The following CPNE7 variants were observed in gnomAD, a reference collection of about 807,000 sequenced individuals.
CPNE7 encodes copine-7.
A neutral mutation model predicts 66.5 loss-of-function variants in CPNE7; 78 were observed. The ratio of observed to expected loss-of-function variants is 1.17; its 90% CI spans 0.98 to 1.42. The LOEUF is 1.42. Among genes scored for constraint, CPNE7 ranks in the 40% most tolerant of loss-of-function variants. The pLI is 0.00. For missense variants in CPNE7, 1,012 were observed against 776.6 expected (o/e 1.30, Z -3.60); for synonymous variants, 468 against 336.7 (o/e 1.39, Z -4.27).
In CPNE7 at chr16:89,588,212, C is replaced by T. The variant is rs1213883624; in HGVS notation, c.928-463C>T. Among the ~76,000 whole-genome samples, 170 of 144,206 alleles carry T rather than the reference C, an allele frequency of 1.2e-3. 1 individual carries two copies. The highest frequency in any genetic ancestry group is 3.9e-3 in the African/African-American group (150 of 38,058). 94.6% of individuals were successfully genotyped at this position (144,206 alleles called of 152,430 possible). On this transcript the variant is annotated intron_variant, in intron 9 of 14. Transcript: ENST00000319518. ...CACGGCCCCCGTGTCACCCGCGTGTCACCCACAGATACACGGCCCCCGTGT... is the reference window on the plus strand; with the variant it reads ...CACGGCCCCCGTGTCACCCGCGTGTTACCCACAGATACACGGCCCCCGTGT...
At chr16:89,579,013 G>C in intron 2 of CPNE7, 1 of 1,578,194 alleles carries the variant, frequency 6.3e-7, no homozygotes, top group Non-Finnish European at 8.6e-7. Context: ...TTTACAGGCC[G>C]GGCACGGTGG....
At chr16:89,586,026 AGCAGGGGGAGGGGGCATTCAGGGAGGG>A in intron 7 of CPNE7, among the ~76,000 whole-genome samples, 1 of 38,492 alleles carries the variant, frequency 2.6e-5, no homozygotes, top group African/African-American at 1.0e-4. Context: ...AGGGGCAGTT[AGCAGGGGGAGGGGGCATTCAGGGAGGG>A]GCAGGTGAGG....
At chr16:89,576,533 C>T (rs2058862751) in intron 1 of CPNE7, among the ~76,000 whole-genome samples, 1 of 152,172 alleles carries the variant, frequency 6.6e-6, no homozygotes. Flanking sequence ...GGGGCTCCCG[C>T]TCCAACGTGG....
chr16:89,576,116 T>G lies in CPNE7; in HGVS notation c.174+45T>G, dbSNP rs573268034. ...GGCCGAGAGGCCACCGGGCCGGGGC[T>G]GGCGCCGAGCTGGGGATGCGGAGAC... On this transcript the variant is annotated intron_variant, in intron 1 of 14. Transcript: ENST00000319518. 24 of 1,234,924 alleles carry G rather than the reference T, an allele frequency of 1.9e-5. No individual in the cohort carries two copies. In the South Asian group the frequency reaches 6.5e-4, roughly 33 times the overall value. 76.5% of individuals were successfully genotyped at this position (1,234,924 alleles called of 1,614,324 possible). A position where few individuals can be genotyped will look rare whatever the true frequency, so the allele number is the denominator to read the frequency against.
In CPNE7 at chr16:89,585,562, C is replaced by A. The variant is rs773653899; in HGVS notation, c.681+9C>A. The A allele has an allele frequency of 6.2e-7, 1 of 1,600,824 alleles. No homozygotes were observed. The highest frequency in any genetic ancestry group is 1.1e-5 in the South Asian group (1 of 90,230). On this transcript the variant is annotated intron_variant, in intron 6 of 14. Transcript: ENST00000319518. ...AGACAAGGCCTCTAAAGGTGGGGGACGGGATGGACCAAGGGGGCAGTGAGG... is the reference window on the plus strand; with the variant it reads ...AGACAAGGCCTCTAAAGGTGGGGGAAGGGATGGACCAAGGGGGCAGTGAGG...
chr16:89,587,531 C>T (rs1247171166), intron 9 of CPNE7: 2 of 453,512 alleles, frequency 4.4e-6, no homozygotes, highest in East Asian at 7.1e-5. Context: ...CAGGGCTTAC[C>T]TTCCACAAAC....
rs764831303 is a variant in CPNE7, at chr16:89,583,770, C to T, written c.431C>T (p.Thr144Met). 15 of 1,612,498 alleles carry T rather than the reference C, an allele frequency of 9.3e-6. No homozygotes were observed. In the East Asian group the frequency reaches 1.1e-4, roughly 12 times the overall value. Residue 144 changes from threonine (T) to methionine (M), a missense_variant and splice_region_variant, in exon 3 of 15, where the codon ACG becomes ATG. Physicochemically the swap from Thr to Met is moderately conservative, Grantham distance 81 (BLOSUM62 -1). Transcript: ENST00000319518. ...FGRNAGKSTI[T>M]VIAEDISGNN... is the part of the protein sequence containing the mutation. ...AGGAACGCTGGCAAGTCCACCATCA[C>T]GGTGAGACCCGGGCGCACCCCTGCA...
rs764815949 is a variant in CPNE7, at chr16:89,577,560, C to A, written c.196C>A (p.Arg66=). ...GCAGGTGGGCAGAACCGAGGTGGTC[C>A]GGAGCAGCCTGCATCCCGTGTTCTC... The part of the protein sequence containing the change: ...WVQVGRTEVV[R]SSLHPVFSKV... The change falls in exon 2 of 15, where the codon CGG becomes AGG. Residue 66 remains arginine, a synonymous_variant. Coordinates refer to ENST00000319518, the MANE Select transcript of CPNE7 (RefSeq NM_153636.3). The A allele has an allele frequency of 9.7e-6, 15 of 1,551,596 alleles. No individual in the cohort carries two copies. The highest frequency in any genetic ancestry group is 8.3e-5 in the South Asian group (7 of 84,030).
At chr16:89,583,797 C>T (rs182566268) in intron 3 of CPNE7, 26 bp downstream of exon 3, 19 of 1,607,698 alleles carry the variant, frequency 1.2e-5, no homozygotes, top group Admixed American at 1.7e-5. Flanking sequence ...ACCCCTGCAG[C>T]CTGCAGGCCC....
intron 13 of CPNE7, among the ~76,000 whole-genome samples, chr16:89,593,320 C>T (rs542993868): frequency 3.5e-4 from 53 of 151,638 alleles, no homozygotes; most frequent in Non-Finnish European, 4.1e-4. Flanking sequence ...GTGAACCGTC[C>T]GAGAGCACGT....
Position 89,596,574 on chromosome 16 carries a change from A to G in CPNE7, c.1630A>G (p.Ser544Gly), listed in dbSNP as rs770865158. 2 of 1,608,652 alleles carry G rather than the reference A, an allele frequency of 1.2e-6. No individual in the cohort carries two copies. The highest frequency in any genetic ancestry group is 2.2e-5 in the South Asian group (2 of 91,048). Reference sequence around the variant, plus strand: ...CAGCCACAGAGGCCTGCCCCCGAGAAGCCTGGGTGTCCCTGCCGGAGAGGC... The same window carrying G: ...CAGCCACAGAGGCCTGCCCCCGAGAGGCCTGGGTGTCCCTGCCGGAGAGGC... ...YYSHRGLPPRSLGVPAGEASP... is the reference protein window; with the variant it reads ...YYSHRGLPPRGLGVPAGEASP... The change falls in exon 15 of 15, where the codon AGC becomes GGC. Residue 544 changes from serine to glycine, a missense_variant. Transcript: ENST00000319518.
At chr16:89,578,530 C>A (rs367779313) in intron 2 of CPNE7, among the ~76,000 whole-genome samples, 2 of 151,918 alleles carry the variant, frequency 1.3e-5, no homozygotes, top group African/African-American at 2.4e-5. Flanking sequence ...GAGGCCGAGG[C>A]GGGCAGATCA....
chr16:89,583,297 CG>C, intron 2 of CPNE7: 1 of 769,076 alleles, frequency 1.3e-6, no homozygotes, highest in Non-Finnish European at 2.2e-6. Flanking sequence ...TCTGCTTCTG[CG>C]GGTTCTCACC....
chr16:89,595,566 A>G lies in CPNE7; in HGVS notation c.1502A>G (p.Asp501Gly). The G allele has an allele frequency of 3.1e-6, 5 of 1,611,210 alleles. No individual in the cohort carries two copies. Among genetic ancestry groups the G allele is most frequent in the Non-Finnish European group, 4.2e-6 (5 of 1,178,800 alleles). The change falls in exon 14 of 15, where the codon GAC becomes GGC. Residue 501 changes from aspartate to glycine, a missense_variant. Asp to Gly is a moderately conservative substitution (Grantham distance 94). Transcript: ENST00000319518. ...RSPRGEPALR[D>G]IVQFVPFREL... ...CCACGGGGTGAGCCCGCGCTCCGGG[A>G]CATCGTACAGTTCGTGCCCTTCCGG... is the stretch of plus-strand genomic sequence containing the variant.
rs372381010 is a variant in CPNE7, at chr16:89,580,893, C to T, written c.358-2804C>T. On this transcript the variant is annotated intron_variant, in intron 2 of 14. Transcript: ENST00000319518. ...ACGGAACATGCCATCACCCGTCACA[C>T]GGAACATCCCATCACCCGTCACATG... Among the ~76,000 whole-genome samples, 198 of 133,666 alleles carry T rather than the reference C, an allele frequency of 1.5e-3. 9 individuals carry two copies. In the East Asian group the frequency reaches 0.045, roughly 30 times the overall value. The allele number at this position is 133,666 out of a possible 152,430, so 87.7% of individuals were successfully genotyped here. A position where few individuals can be genotyped will look rare whatever the true frequency, so the allele number is the denominator to read the frequency against.
rs367690054 is a variant in CPNE7, at chr16:89,583,567, G to T, written c.358-130G>T. 1.9e-6 allele frequency: 3 copies of T among 1,598,264 alleles called. No individual in the cohort carries two copies. In the African/African-American group the frequency reaches 4.0e-5, roughly 21 times the overall value. ...GCCACAAAGGGGGCGCGGGCCCTGG[G>T]CAGTGAAGCTCATGGTGGGGGATGG... On this transcript the variant is annotated intron_variant, in intron 2 of 14. Coordinates refer to ENST00000319518, the MANE Select transcript of CPNE7 (RefSeq NM_153636.3).
At chr16:89,595,648 C>T (rs2059243456) in intron 14 of CPNE7, 45 bp downstream of exon 14, 2 of 1,520,332 alleles carry the variant, frequency 1.3e-6, no homozygotes, top group Non-Finnish European at 1.8e-6. Context: ...TTGGGGGTCC[C>T]TGTTCATGTC....
At chr16:89,590,220 C>T (rs1057083535) in intron 11 of CPNE7, among the ~76,000 whole-genome samples, 1 of 152,164 alleles carries the variant, frequency 6.6e-6, no homozygotes, top group African/African-American at 2.4e-5. Context: ...TCCTCTATTG[C>T]ACATAACAAT....
In CPNE7 at chr16:89,594,881, A is replaced by T. The variant is rs542620171; in HGVS notation, c.1303-486A>T. Among the ~76,000 whole-genome samples, 44 of 151,734 alleles carry T rather than the reference A, an allele frequency of 2.9e-4. No individual in the cohort carries two copies. In the East Asian group the frequency reaches 7.0e-3, roughly 24 times the overall value. ...TGGCCAGGCTGGTCTCGAACTCCTGACCTCAGGTGATCCGCCCGCCTCGGC... is the reference window on the plus strand; with the variant it reads ...TGGCCAGGCTGGTCTCGAACTCCTGTCCTCAGGTGATCCGCCCGCCTCGGC... On this transcript the variant is annotated intron_variant, in intron 13 of 14. Coordinates refer to ENST00000319518, the MANE Select transcript of CPNE7 (RefSeq NM_153636.3).
Sources: allele counts gnomAD v4.1 joint callset (sites outside exome capture counted in the v4.1 genomes callset), GRCh38; gene constraint gnomAD v4.1.1; transcripts MANE v1.5; gene names NCBI Gene and HGNC (gene_info 2026-07-23, HGNC 2026-07-21).